The following PCDH11Y variants were observed in gnomAD, a reference collection of about 807,000 sequenced individuals.
PCDH11Y encodes the protein protocadherin-11 Y-linked.
For missense variants in PCDH11Y, 12 were observed against 224.8 expected (o/e 0.05, Z 6.05); for synonymous variants, 9 against 83.6 (o/e 0.11, Z 4.87).
chrY:5,651,246 T>A, intron 4 of PCDH11Y, among the ~76,000 whole-genome samples: 1 of 32,179 alleles, frequency 3.1e-5, no homozygotes, highest in African/African-American at 1.2e-4. Flanking sequence ...GATATACCAA[T>A]AGAAATACAT....
chrY:5,241,622 C>T, intron 2 of PCDH11Y, among the ~76,000 whole-genome samples: 1 of 23,390 alleles, frequency 4.3e-5, no homozygotes, highest in Non-Finnish European at 9.8e-5. Flanking sequence ...GGCCAGTTCA[C>T]GTCGCAGTCA....
intron 2 of PCDH11Y, among the ~76,000 whole-genome samples, chrY:5,447,244 T>C: frequency 3.3e-5 from 1 of 30,471 alleles, no homozygotes; most frequent in Non-Finnish European, 7.9e-5. Context: ...CTAAAAACTA[T>C]TAGGGTTTAA....
intron 2 of PCDH11Y, among the ~76,000 whole-genome samples, chrY:5,326,586 A>G: frequency 6.3e-5 from 2 of 31,900 alleles, no homozygotes; most frequent in East Asian, 1.7e-3. Context: ...AGAAGGAAAT[A>G]TGGGGAAATG....
At chrY:5,360,328 T>C in intron 2 of PCDH11Y, among the ~76,000 whole-genome samples, 1 of 29,205 alleles carries the variant, frequency 3.4e-5, no homozygotes, top group Non-Finnish European at 8.1e-5. Context: ...TAGAAGTGTG[T>C]GCGTGTGTGT....
chrY:5,026,773 C>T, intron 1 of PCDH11Y, among the ~76,000 whole-genome samples: 1 of 33,376 alleles, frequency 3.0e-5, no homozygotes. Flanking sequence ...AGACCCTTTT[C>T]ATCTAGATAT....
In PCDH11Y at chrY:5,030,892, T is replaced by C. The variant is rs2052589362; in HGVS notation, c.-133-1014T>C. 3 of 31,087 alleles carry C rather than the reference T, an allele frequency of 9.7e-5. No individual in the cohort carries two copies. The East Asian group carries it at 2.4e-3, about 25-fold the overall frequency. The allele number at this position is 31,087 out of a possible 400,897, so 7.8% of individuals were successfully genotyped here. On this transcript the variant is annotated intron_variant, in intron 1 of 5. Coordinates refer to the PCDH11Y transcript ENST00000333703. ...CTACATAAACTTAACATGTGCTTTA[T>C]ACACAGAGGGTGCTTAAAAAGTACA... is the stretch of plus-strand genomic sequence containing the variant.
At chrY:5,630,440 A>G (rs2053511561) in intron 4 of PCDH11Y, among the ~76,000 whole-genome samples, 2 of 33,367 alleles carry the variant, frequency 6.0e-5, no homozygotes. Flanking sequence ...AGACAGTTGC[A>G]TGGACGGTGT....
chrY:5,525,868 G>T (rs2053387089), intron 3 of PCDH11Y, among the ~76,000 whole-genome samples: 1 of 30,007 alleles, frequency 3.3e-5, no homozygotes, highest in Non-Finnish European at 8.0e-5. Flanking sequence ...ACTGCAAAAA[G>T]AATTATTTTC....
At chrY:5,312,342 G>A in intron 2 of PCDH11Y, among the ~76,000 whole-genome samples, 1 of 30,871 alleles carries the variant, frequency 3.2e-5, no homozygotes, top group Non-Finnish European at 7.7e-5. Flanking sequence ...ATCATTTAAT[G>A]TTGAAATTAT....
At chrY:5,334,405 C>T in intron 2 of PCDH11Y, among the ~76,000 whole-genome samples, 1 of 34,079 alleles carries the variant, frequency 2.9e-5, no homozygotes, top group Middle Eastern at 0.014. Context: ...GGTCTAATCT[C>T]TTTCACTATC....
chrY:5,317,668 G>C, intron 2 of PCDH11Y, among the ~76,000 whole-genome samples: 1 of 32,373 alleles, frequency 3.1e-5, no homozygotes, highest in Non-Finnish European at 7.5e-5. Context: ...GTTTCCTGAC[G>C]CCTCCCCAGA....
chrY:5,249,224 A>T, intron 2 of PCDH11Y, among the ~76,000 whole-genome samples: 1 of 32,483 alleles, frequency 3.1e-5, no homozygotes, highest in African/African-American at 1.2e-4. Context: ...AGCAAAAACT[A>T]CTTTAAATTT....
intron 2 of PCDH11Y, among the ~76,000 whole-genome samples, chrY:5,466,989 A>G (rs2053308878): frequency 3.0e-5 from 1 of 33,328 alleles, no homozygotes; most frequent in Non-Finnish European, 7.5e-5. Context: ...GAAATTGTTG[A>G]AGCAGAATCT....
At chrY:5,324,877 G>C (rs2053116760) in intron 2 of PCDH11Y, among the ~76,000 whole-genome samples, 3 of 32,173 alleles carry the variant, frequency 9.3e-5, no homozygotes, top group African/African-American at 3.7e-4. Flanking sequence ...GGCTGAGTCC[G>C]AAAAGAGAGT....
At chrY:5,457,864 A>G in intron 2 of PCDH11Y, among the ~76,000 whole-genome samples, 6 of 33,173 alleles carry the variant, frequency 1.8e-4, no homozygotes, top group Non-Finnish European at 3.0e-4. Context: ...AAGCTTATGA[A>G]AATGATACTG....
intron 2 of PCDH11Y, among the ~76,000 whole-genome samples, chrY:5,453,485 C>T (rs2053295041): frequency 1.2e-4 from 4 of 33,808 alleles, no homozygotes; most frequent in African/African-American, 3.5e-4. Context: ...AAAGAATTTA[C>T]GACTAAGTCC....
intron 4 of PCDH11Y, among the ~76,000 whole-genome samples, chrY:5,649,674 G>C: frequency 3.0e-5 from 1 of 32,996 alleles, no homozygotes; most frequent in Non-Finnish European, 7.5e-5. Flanking sequence ...TCCCAGAGAT[G>C]GTTGTTTGCA....
chrY:5,468,686 G>T (rs1602929825), intron 2 of PCDH11Y, among the ~76,000 whole-genome samples: 1 of 29,451 alleles, frequency 3.4e-5, no homozygotes, highest in Non-Finnish European at 8.1e-5. Context: ...AACTTATATT[G>T]CTCAAAAGAG....
chrY:5,576,546 G>A, intron 3 of PCDH11Y, among the ~76,000 whole-genome samples: 1 of 33,175 alleles, frequency 3.0e-5, no homozygotes, highest in Non-Finnish European at 7.5e-5. Flanking sequence ...GGCTAGATTC[G>A]CTTTATATAG....
Sources: allele counts gnomAD v4.1 joint callset (sites outside exome capture counted in the v4.1 genomes callset), GRCh38; gene constraint gnomAD v4.1.1; transcripts MANE v1.5; gene names NCBI Gene and HGNC (gene_info 2026-07-23, HGNC 2026-07-21).